Variants in NRDE2 observed in about 807,000 individuals in gnomAD.
NRDE2 encodes NRDE-2, necessary for RNA interference, domain containing.
A neutral mutation model predicts 124.2 loss-of-function variants in NRDE2; 76 were observed. The observed-to-expected ratio is 0.61, with a 90% CI of 0.51 to 0.74. The LOEUF is 0.74. NRDE2 is among the 30% of genes least tolerant of loss of function. The pLI is 0.00. For missense variants in NRDE2, 1,314 were observed against 1,417.3 expected (o/e 0.93, Z 1.17); for synonymous variants, 489 against 528.1 (o/e 0.93, Z 1.01).
intron 2 of NRDE2, 122 bp downstream of exon 2, chr14:90,317,883 A>C (rs2139707698): frequency 1.5e-6 from 1 of 648,636 alleles, no homozygotes; most frequent in East Asian, 2.7e-5. Context: ...AGATCACCTT[A>C]TTACTTTAAG....
At chr14:90,282,733 T>C (rs1030679415) in intron 12 of NRDE2, among the ~76,000 whole-genome samples, 1 of 152,062 alleles carries the variant, frequency 6.6e-6, no homozygotes, top group Admixed American at 6.5e-5. Flanking sequence ...GGTGGCGCGA[T>C]CTCGGCTCAC....
intron 12 of NRDE2, among the ~76,000 whole-genome samples, chr14:90,282,186 C>T (rs1044331368): frequency 1.3e-5 from 2 of 152,150 alleles, no homozygotes; most frequent in African/African-American, 4.8e-5. Flanking sequence ...AACAACAAAA[C>T]AATAAACAAG....
rs190367719 is a variant in NRDE2 at position 90,269,737 on chromosome 14, T to C, written c.*8599A>G. On this transcript the variant is annotated 3_prime_UTR_variant, in exon 14 of 14. Coordinates refer to ENST00000354366, the MANE Select transcript of NRDE2 (RefSeq NM_017970.4). Reference sequence around the variant, plus strand: ...AGAGCATGATATGGTCTGTGCACCTTGGCCCTTTGAATTCCAGTCTTATGT... The same window carrying C: ...AGAGCATGATATGGTCTGTGCACCTCGGCCCTTTGAATTCCAGTCTTATGT... The C allele has an allele frequency of 6.8e-4, 360 of 526,014 alleles. 2 individuals carry two copies. Among genetic ancestry groups the C allele is most frequent in the African/African-American group, 6.5e-3 (333 of 51,426 alleles). The allele number at this position is 526,014 out of a possible 1,614,324, so 32.6% of individuals were successfully genotyped here.
intron 3 of NRDE2, among the ~76,000 whole-genome samples, chr14:90,313,188 G>A (rs1338524391): frequency 1.4e-5 from 2 of 142,388 alleles, no homozygotes; most frequent in Non-Finnish European, 3.0e-5. Flanking sequence ...GTGCAGTGGC[G>A]CCATCTCCGC....
In NRDE2 at chr14:90,276,570, G is replaced by T. The variant is rs1361172181; in HGVS notation, c.*1766C>A. ...TGATGCTCTTGACATCTTGTTTTCT[G>T]TAAAATGCCCTCAAGGAATCTTTGA... On this transcript the variant is annotated 3_prime_UTR_variant, in exon 14 of 14. Coordinates refer to ENST00000354366, the MANE Select transcript of NRDE2 (RefSeq NM_017970.4). 1.3e-5 allele frequency: 2 copies of T among 152,022 alleles called. No individual in the cohort carries two copies. The highest frequency in any genetic ancestry group is 2.4e-5 in the African/African-American group (1 of 41,412). The allele number at this position is 152,022 out of a possible 1,614,324, so 9.4% of individuals were successfully genotyped here. A position where few individuals can be genotyped will look rare whatever the true frequency, so the allele number is the denominator to read the frequency against.
chr14:90,306,614 C>T (rs1029622967), intron 4 of NRDE2, among the ~76,000 whole-genome samples: 6 of 152,038 alleles, frequency 3.9e-5, no homozygotes, highest in South Asian at 2.1e-4. Context: ...AGTTTGAGAT[C>T]GGTCTGGCTA....
In NRDE2 at chr14:90,273,819, C is replaced by CCTGA. The variant is rs904793431; in HGVS notation, c.*4513_*4516dup. On this transcript the variant is annotated 3_prime_UTR_variant, in exon 14 of 14. Transcript: ENST00000354366. ...CCAGTCTGTGAAGGCCACCCTCCCT[C>CCTGA]CTGACTCGTGGCACTTCATTTTCCA... The CCTGA allele has an allele frequency of 1.3e-5, 2 of 154,856 alleles. No homozygotes were observed. The highest frequency in any genetic ancestry group is 4.8e-5 in the African/African-American group (2 of 41,536). 9.6% of individuals were successfully genotyped at this position (154,856 alleles called of 1,614,324 possible). A position where few individuals can be genotyped will look rare whatever the true frequency, so the allele number is the denominator to read the frequency against.
At chr14:90,305,260 C>T (rs1049340239) in intron 4 of NRDE2, among the ~76,000 whole-genome samples, 2 of 152,154 alleles carry the variant, frequency 1.3e-5, no homozygotes, top group African/African-American at 4.8e-5. Flanking sequence ...ATTTAAAAGG[C>T]TGACAACACC....
intron 8 of NRDE2, among the ~76,000 whole-genome samples, chr14:90,295,913 G>T (rs181947516): frequency 2.2e-4 from 34 of 152,324 alleles, no homozygotes; most frequent in Non-Finnish European, 3.4e-4. Context: ...TGCAGAGAAT[G>T]TAAGTACCAA....
intron 6 of NRDE2, chr14:90,301,818 A>G (rs1384855207): frequency 2.2e-6 from 1 of 456,054 alleles, no homozygotes; most frequent in Non-Finnish European, 4.4e-6. Flanking sequence ...AAACAAATCA[A>G]GGTTCCATGT....
chr14:90,310,927 T>C (rs1322467976), intron 4 of NRDE2, among the ~76,000 whole-genome samples: 2 of 152,122 alleles, frequency 1.3e-5, no homozygotes, highest in Admixed American at 6.5e-5. Context: ...ACATTGAAAA[T>C]ATAATAGTCA....
At chr14:90,330,313 C>T (rs1885637001) in intron 1 of NRDE2, among the ~76,000 whole-genome samples, 1 of 152,058 alleles carries the variant, frequency 6.6e-6, no homozygotes, top group Non-Finnish European at 1.5e-5. Context: ...CTTTTAGGTG[C>T]ACTCATGCAT....
At chr14:90,298,828 G>C (rs1884279990) in intron 7 of NRDE2, among the ~76,000 whole-genome samples, 1 of 152,140 alleles carries the variant, frequency 6.6e-6, no homozygotes, top group Non-Finnish European at 1.5e-5. Context: ...AGTATCACTG[G>C]ACCCCCGAGC....
Position 90,273,690 on chromosome 14 carries a change from A to C in NRDE2, c.*4646T>G, listed in dbSNP as rs1368246924. 6.5e-6 allele frequency: 1 copy of C among 153,798 alleles called. No individual in the cohort carries two copies. The highest frequency in any genetic ancestry group is 1.5e-5 in the Non-Finnish European group (1 of 68,232). 9.5% of individuals were successfully genotyped at this position (153,798 alleles called of 1,614,324 possible). A position where few individuals can be genotyped will look rare whatever the true frequency, so the allele number is the denominator to read the frequency against. On this transcript the variant is annotated 3_prime_UTR_variant, in exon 14 of 14. Transcript: ENST00000354366. ...TTCCCTCTGGCGTCTCTAAGGGAGAATCCGTTTCCTTGCTGAGGATTATTG... is the reference window on the plus strand; with the variant it reads ...TTCCCTCTGGCGTCTCTAAGGGAGACTCCGTTTCCTTGCTGAGGATTATTG...
chr14:90,328,999 G>T (rs1885563166), intron 1 of NRDE2, among the ~76,000 whole-genome samples: 1 of 152,208 alleles, frequency 6.6e-6, no homozygotes, highest in South Asian at 2.1e-4. Flanking sequence ...AAGTGAAAAT[G>T]ACCAGAAAAG....
At chr14:90,312,577 C>T (rs918461186) in intron 3 of NRDE2, 34 bp from the exon 4 acceptor site, 10 of 1,611,228 alleles carry the variant, frequency 6.2e-6, no homozygotes, top group Admixed American at 1.7e-5. Flanking sequence ...AAGGGAGAGG[C>T]ACTTTAAAAA....
At chr14:90,286,137 A>C (rs1391037205) in intron 12 of NRDE2, among the ~76,000 whole-genome samples, 1 of 152,224 alleles carries the variant, frequency 6.6e-6, no homozygotes, top group Non-Finnish European at 1.5e-5. Context: ...TATTTCGAGA[A>C]GATGGACTAC....
rs1566675208 is a variant in NRDE2 at position 90,269,302 on chromosome 14, TTAAGG to T, written c.*9029_*9033del. The T allele has an allele frequency of 9.1e-7, 1 of 1,093,498 alleles. No individual in the cohort carries two copies. The highest frequency in any genetic ancestry group is 2.4e-5 in the East Asian group (1 of 41,324). 67.7% of individuals were successfully genotyped at this position (1,093,498 alleles called of 1,614,324 possible). On this transcript the variant is annotated 3_prime_UTR_variant, in exon 14 of 14. Transcript: ENST00000354366. The stretch of plus-strand genomic sequence containing the variant: ...ATGTGAGTTGAAACAGGAATGTTTG[TTAAGG>T]TGTTTTGTCACAATGAGGTCTTTGC...
intron 8 of NRDE2, among the ~76,000 whole-genome samples, chr14:90,293,903 A>G (rs757898364): frequency 6.6e-6 from 1 of 152,250 alleles, no homozygotes; most frequent in Non-Finnish European, 1.5e-5. Context: ...GCAGTTTCTT[A>G]CAAAACTAAA....
Sources: allele counts gnomAD v4.1 joint callset (sites outside exome capture counted in the v4.1 genomes callset), GRCh38; gene constraint gnomAD v4.1.1; transcripts MANE v1.5; gene names NCBI Gene and HGNC (gene_info 2026-07-23, HGNC 2026-07-21).